Variants in FGF14 observed in about 807,000 individuals in gnomAD.
FGF14 encodes the protein fibroblast growth factor 14.
In FGF14, 5 loss-of-function variants were observed where a neutral mutation model predicts 25.5. The ratio of observed to expected loss-of-function variants is 0.20; its 90% CI spans 0.10 to 0.41. The LOEUF is 0.41. Among genes scored for constraint, FGF14 ranks in the 10% least tolerant of loss-of-function variants. The pLI is 1.00. For missense variants in FGF14, 222 were observed against 320.1 expected (o/e 0.69, Z 2.34); for synonymous variants, 138 against 118.3 (o/e 1.17, Z -1.08).
At chr13:101,869,477 A>G (rs1463752223) in intron 2 of FGF14, among the ~76,000 whole-genome samples, 1 of 152,206 alleles carries the variant, frequency 6.6e-6, no homozygotes, top group African/African-American at 2.4e-5. Flanking sequence ...ATTTTTGCAT[A>G]GTGCAGATAG....
chr13:101,808,911 T>G (rs2041347584), intron 3 of FGF14, among the ~76,000 whole-genome samples: 2 of 152,112 alleles, frequency 1.3e-5, no homozygotes, highest in Admixed American at 1.3e-4. Context: ...ACTTCCTATA[T>G]CATGTGGGAA....
At chr13:101,995,629 A>G (rs1266447011) in intron 1 of FGF14, among the ~76,000 whole-genome samples, 1 of 152,162 alleles carries the variant, frequency 6.6e-6, no homozygotes. Flanking sequence ...CGTATAAGCC[A>G]ACATGTAACT....
At chr13:102,094,107 T>A (rs2044288021) in intron 1 of FGF14, among the ~76,000 whole-genome samples, 1 of 148,848 alleles carries the variant, frequency 6.7e-6, no homozygotes, top group South Asian at 2.1e-4. Context: ...ATGAAGCCAC[T>A]GCTGCAGCTA....
chr13:102,319,199 G>A (rs2056150030), intron 1 of FGF14, among the ~76,000 whole-genome samples: 1 of 152,176 alleles, frequency 6.6e-6, no homozygotes, highest in Admixed American at 6.5e-5. Flanking sequence ...GAGTCCCTGA[G>A]TAATTCAATT....
rs1320013565 is a variant in FGF14 at position 102,166,181 on chromosome 13, T to TA, written c.208+235289dup. Among the ~76,000 whole-genome samples the TA allele has an allele frequency of 6.7e-3, 963 of 142,924 alleles. 8 individuals are homozygous for TA. The highest frequency in any genetic ancestry group is 0.022 in the African/African-American group (871 of 38,956). The allele number at this position is 142,924 out of a possible 152,430, so 93.8% of individuals were successfully genotyped here. On this transcript the variant is annotated intron_variant, in intron 1 of 4. Coordinates refer to the FGF14 transcript ENST00000376131. ...TATGTAAGTAAAAGCATACAACATT[T>TA]AAAAAAAAAAAGAAAAGAAAAAAGA...
At chr13:102,146,000 G>A (rs763443119) in intron 1 of FGF14, among the ~76,000 whole-genome samples, 5 of 152,146 alleles carry the variant, frequency 3.3e-5, no homozygotes, top group Non-Finnish European at 4.4e-5. Context: ...TCAGAGAAGA[G>A]CAGATCCAAC....
At chr13:102,049,728 G>A (rs574506301) in intron 1 of FGF14, among the ~76,000 whole-genome samples, 4 of 151,956 alleles carry the variant, frequency 2.6e-5, no homozygotes, top group African/African-American at 7.2e-5. Context: ...ATAAAAAGGG[G>A]AAATTTACAC....
intron 3 of FGF14, among the ~76,000 whole-genome samples, chr13:101,727,645 C>A (rs1011194180): frequency 6.6e-6 from 1 of 152,080 alleles, no homozygotes; most frequent in Non-Finnish European, 1.5e-5. Flanking sequence ...ATACTTCTTA[C>A]TTTGGGATGA....
intron 1 of FGF14, among the ~76,000 whole-genome samples, chr13:102,191,639 A>C (rs649589): frequency 3.3e-5 from 5 of 152,000 alleles, no homozygotes; most frequent in African/African-American, 1.2e-4. Context: ...ATTCTGCCCT[A>C]GACCCCCAAG....
chr13:101,899,052 T>C lies in FGF14; in HGVS notation c.193+17401A>G, dbSNP rs1168820632. On this transcript the variant is annotated intron_variant, in intron 1 of 4. Transcript: ENST00000376143. ...CAATAAAGAGTAGCCTTGGTAAACA[T>C]CCAGGTTTTCAGTTGGAGCCCCTAT... Among the ~76,000 whole-genome samples, 4 of 152,242 alleles carry C rather than the reference T, an allele frequency of 2.6e-5. No homozygotes were observed. In the East Asian group the frequency reaches 7.7e-4, roughly 29 times the overall value.
At chr13:102,310,651 T>TTCTCTCTC (rs34400050) in intron 1 of FGF14, among the ~76,000 whole-genome samples, 979 of 45,794 alleles carry the variant, frequency 0.021, 32 homozygotes, top group Non-Finnish European at 0.024. Context: ...CTCTTCCCGT[T>TTCTCTCTC]TCTCTCTCTC....
At position 101,726,099 on chromosome 13, in the gene FGF14, C is replaced by G. The variant is rs1251626550; in HGVS notation, c.607+513G>C. The stretch of plus-strand genomic sequence containing the variant: ...TTTGAAAGCAGATGTGTAATATCAG[C>G]AAGTTCTTTAAGAGTCAAGCTATTA... On this transcript the variant is annotated intron_variant, in intron 4 of 4. Transcript: ENST00000376143. Among the ~76,000 whole-genome samples, 6 of 151,862 alleles carry G rather than the reference C, an allele frequency of 4.0e-5. No homozygotes were observed. The East Asian group carries it at 1.2e-3, about 29-fold the overall frequency.
intron 3 of FGF14, among the ~76,000 whole-genome samples, chr13:101,835,570 A>T (rs1332699133): frequency 6.6e-6 from 1 of 152,046 alleles, no homozygotes; most frequent in Non-Finnish European, 1.5e-5. Context: ...CCGAATATCA[A>T]GGGTAAAATA....
chr13:101,793,679 C>A (rs2893076), intron 3 of FGF14, among the ~76,000 whole-genome samples: 144,265 of 152,110 alleles, frequency 0.95, 68,872 homozygotes, highest in East Asian at 1. Context: ...TGGCAGCACT[C>A]ATTCACAGTC....
intron 1 of FGF14, among the ~76,000 whole-genome samples, chr13:102,260,786 C>T (rs1275349755): frequency 6.6e-6 from 1 of 152,226 alleles, no homozygotes; most frequent in East Asian, 1.9e-4. Flanking sequence ...TGTTCACTCT[C>T]ACCTCCCTCT....
chr13:102,260,858 G>T (rs1279071837), intron 1 of FGF14, among the ~76,000 whole-genome samples: 1 of 152,126 alleles, frequency 6.6e-6, no homozygotes, highest in East Asian at 1.9e-4. Flanking sequence ...TTCTCTGAAT[G>T]ACGCCTGTTA....
At chr13:102,231,963 T>C (rs1268948115) in intron 1 of FGF14, among the ~76,000 whole-genome samples, 1 of 152,210 alleles carries the variant, frequency 6.6e-6, no homozygotes, top group Admixed American at 6.5e-5. Flanking sequence ...TTGCTGATTG[T>C]GATAGAGAAA....
At chr13:102,385,058 G>A (rs2058269850) in intron 1 of FGF14, among the ~76,000 whole-genome samples, 1 of 152,138 alleles carries the variant, frequency 6.6e-6, no homozygotes, top group East Asian at 1.9e-4. Context: ...ACATACAATA[G>A]AAATCAATGA....
At chr13:102,225,494 T>C (rs2050790449) in intron 1 of FGF14, among the ~76,000 whole-genome samples, 2 of 152,188 alleles carry the variant, frequency 1.3e-5, no homozygotes, top group South Asian at 4.1e-4. Context: ...TTTTTATGAA[T>C]GCAAATTGTA....
Sources: gnomAD v4.1 joint callset for allele counts (sites outside exome capture counted in the v4.1 genomes callset) on GRCh38, gnomAD v4.1.1 for gene constraint, MANE v1.5 for transcripts, NCBI Gene and HGNC (gene_info 2026-07-23, HGNC 2026-07-21) for gene names.